Variants in SLC25A13 observed in about 807,000 individuals in gnomAD.
SLC25A13 encodes the protein electrogenic aspartate/glutamate antiporter SLC25A13, mitochondrial.
Under a neutral mutation model 85.5 loss-of-function variants are expected in SLC25A13, and 70 were observed. The observed-to-expected ratio is 0.82, with a 90% confidence interval of 0.68 to 1.00. The LOEUF is 1.00. Ranked by LOEUF, SLC25A13 falls within the 50% of genes least tolerant of loss-of-function variation. The probability of loss-of-function intolerance (pLI) is 0.00; values close to 1 mark genes in which losing one functional copy is unlikely to be tolerated. For synonymous variants in SLC25A13, 259 were observed against 288.7 expected (o/e 0.90, Z 1.04); for missense variants, 765 against 819.8 (o/e 0.93, Z 0.82).
At chr7:96,308,015 C>T (rs1024577967) in intron 1 of SLC25A13, among the ~76,000 whole-genome samples, 6 of 151,964 alleles carry the variant, frequency 3.9e-5, no homozygotes, top group Admixed American at 2.0e-4. Context: ...TAGCCGGGCA[C>T]GGTGGCACAT....
intron 5 of SLC25A13, among the ~76,000 whole-genome samples, chr7:96,202,966 A>T (rs144890095): frequency 9.5e-4 from 145 of 152,202 alleles, no homozygotes; most frequent in African/African-American, 3.4e-3. Context: ...TCTTGACTCC[A>T]TTTACTCTGG....
chr7:96,199,728 G>A (rs576173062), intron 5 of SLC25A13, among the ~76,000 whole-genome samples: 60 of 152,014 alleles, frequency 3.9e-4, no homozygotes, highest in African/African-American at 1.2e-3. Flanking sequence ...TATTGCAGCA[G>A]TTTCCAACTA....
At chr7:96,208,376 T>G (rs1052328750) in intron 5 of SLC25A13, among the ~76,000 whole-genome samples, 1 of 152,312 alleles carries the variant, frequency 6.6e-6, no homozygotes, top group Non-Finnish European at 1.5e-5. Flanking sequence ...GGGACAGTTT[T>G]GCCAGGCTAA....
chr7:96,297,547 T>C (rs898767232), intron 1 of SLC25A13, among the ~76,000 whole-genome samples: 6 of 152,120 alleles, frequency 3.9e-5, no homozygotes, highest in Admixed American at 6.5e-5. Flanking sequence ...TTGGCCAGGC[T>C]GGTCTCAAAC....
intron 10 of SLC25A13, 34 bp downstream of exon 10, chr7:96,184,893 A>G (rs762114824): frequency 1.9e-6 from 3 of 1,544,770 alleles, no homozygotes; most frequent in South Asian, 2.2e-5. Flanking sequence ...TAGGAATAAC[A>G]AAAGTGAAAA....
chr7:96,191,628 CAT>C (rs1471096880), intron 6 of SLC25A13, among the ~76,000 whole-genome samples: 18 of 152,230 alleles, frequency 1.2e-4, no homozygotes, highest in Admixed American at 3.3e-4. Flanking sequence ...CATATGCACA[CAT>C]GTGTGTGCTT....
Position 96,208,859 on chromosome 7 carries a change from C to T in SLC25A13, c.447G>A (p.Ala149=), listed in dbSNP as rs760730497. ...GKERKRHLTY[A]EFTQFLLEIQ... ...CCACCAATAAAAACTGAGTAAATTC[C>T]GCATATGTCAGGTGTCTTTTTCTTT... Residue 149 remains alanine (A), a synonymous_variant, in exon 5 of 18, where the codon GCG becomes GCA. Transcript: ENST00000265631. The T allele has an allele frequency of 6.0e-5, 97 of 1,613,904 alleles. No homozygotes were observed. The highest frequency in any genetic ancestry group is 8.9e-5 in the East Asian group (4 of 44,878).
intron 3 of SLC25A13, among the ~76,000 whole-genome samples, chr7:96,267,137 G>A (rs1013280391): frequency 2.6e-5 from 4 of 152,314 alleles, no homozygotes; most frequent in African/African-American, 9.6e-5. Flanking sequence ...ACTTCAGGCT[G>A]TGAACTGCTG....
At chr7:96,258,992 T>C (rs538458289) in intron 3 of SLC25A13, among the ~76,000 whole-genome samples, 1 of 152,334 alleles carries the variant, frequency 6.6e-6, no homozygotes, top group South Asian at 2.1e-4. Context: ...TAAATGGTGT[T>C]GGGAAAACTG....
At chr7:96,242,236 A>G (rs984516494) in intron 3 of SLC25A13, among the ~76,000 whole-genome samples, 2 of 152,190 alleles carry the variant, frequency 1.3e-5, no homozygotes, top group African/African-American at 4.8e-5. Context: ...CAGACCACAC[A>G]AGTATATGTG....
At chr7:96,219,780 C>T (rs143232123) in intron 4 of SLC25A13, 25 of 531,572 alleles carry the variant, frequency 4.7e-5, no homozygotes, top group African/African-American at 4.0e-4. Flanking sequence ...TATAATCTGA[C>T]AGATCTATCA....
chr7:96,316,458 C>G (rs1329573112), intron 1 of SLC25A13, among the ~76,000 whole-genome samples: 1 of 152,066 alleles, frequency 6.6e-6, no homozygotes, highest in East Asian at 1.9e-4. Context: ...ACATCCATAC[C>G]CGATGGCATG....
chr7:96,189,145 C>G, intron 9 of SLC25A13, 149 bp downstream of exon 9: 1 of 728,988 alleles, frequency 1.4e-6, no homozygotes, highest in Non-Finnish European at 2.4e-6. Context: ...TTTCTCTTTA[C>G]AGCCTTTAAA....
chr7:96,260,540 T>C (rs767245461), intron 3 of SLC25A13, among the ~76,000 whole-genome samples: 10 of 152,130 alleles, frequency 6.6e-5, no homozygotes, highest in Admixed American at 5.9e-4. Context: ...AGTAATTACA[T>C]TGACTCTCAT....
intron 4 of SLC25A13, among the ~76,000 whole-genome samples, chr7:96,214,484 T>C (rs1795813084): frequency 6.6e-6 from 1 of 152,208 alleles, no homozygotes; most frequent in Admixed American, 6.5e-5. Context: ...TCCCAGCATT[T>C]GGGAGGCCCA....
Position 96,268,569 on chromosome 7 carries a change from A to G in SLC25A13, c.212+8627T>C, listed in dbSNP as rs141011415. On this transcript the variant is annotated intron_variant, in intron 3 of 17. Coordinates refer to ENST00000265631, the MANE Select transcript of SLC25A13 (RefSeq NM_014251.3). ...TCATCTCCCTTACGGAACTTCATAA[A>G]TTGATTAAATCCATCATTAAGTAGA... 1.9e-3 allele frequency among the ~76,000 whole-genome samples: 289 copies of G among 152,282 alleles called. 1 individual carries two copies. The highest frequency in any genetic ancestry group is 6.3e-3 in the African/African-American group (263 of 41,554).
At chr7:96,289,524 G>A (rs141829501) in intron 2 of SLC25A13, among the ~76,000 whole-genome samples, 414 of 152,208 alleles carry the variant, frequency 2.7e-3, no homozygotes, top group Middle Eastern at 0.02. Flanking sequence ...AAGATTGGAC[G>A]AAAGGCTAAC....
rs201911701 is a variant in SLC25A13 at position 96,160,430 on chromosome 7, G to C, written c.1311+9615C>G. Among the ~76,000 whole-genome samples, 30 of 152,314 alleles carry C rather than the reference G, an allele frequency of 2.0e-4. No homozygotes were observed. The East Asian group carries it at 5.4e-3, about 27-fold the overall frequency. ...CGGGCTTCTGTAACAAAGTATCATA[G>C]ACTACGTGGCTTATAAACAACATAA... On this transcript the variant is annotated intron_variant, in intron 13 of 17. Coordinates refer to ENST00000265631, the MANE Select transcript of SLC25A13 (RefSeq NM_014251.3).
At chr7:96,214,453 C>T (rs1057352697) in intron 4 of SLC25A13, among the ~76,000 whole-genome samples, 2 of 152,200 alleles carry the variant, frequency 1.3e-5, no homozygotes, top group African/African-American at 4.8e-5. Flanking sequence ...CTCGGTCAGG[C>T]GCAGTGGCCC....
Sources: gnomAD v4.1 joint callset for allele counts (sites outside exome capture counted in the v4.1 genomes callset) on GRCh38, gnomAD v4.1.1 for gene constraint, MANE v1.5 for transcripts, NCBI Gene and HGNC (gene_info 2026-07-23, HGNC 2026-07-21) for gene names.